The following ZCCHC4 variants were observed in gnomAD, a reference collection of about 807,000 sequenced individuals.
ZCCHC4 encodes zinc finger CCHC-type containing 4.
In ZCCHC4, 54 loss-of-function variants were observed where a neutral mutation model predicts 67.7. The ratio of observed to expected loss-of-function variants is 0.80; its 90% CI spans 0.64 to 1.00. The LOEUF (loss-of-function observed/expected upper bound fraction) is 1.00, where lower values mean the gene tolerates loss of function less well. Among genes scored for constraint, ZCCHC4 ranks in the 50% least tolerant of loss-of-function variants. ZCCHC4 has a pLI of 0.00. For missense variants in ZCCHC4, 609 were observed against 617.0 expected, an observed-to-expected ratio of 0.99 and a Z score of 0.14; for synonymous variants, 198 against 213.5, an observed-to-expected ratio of 0.93 and a Z score of 0.63.
intron 3 of ZCCHC4, among the ~76,000 whole-genome samples, chr4:25,332,406 C>G (rs1719229719): frequency 6.6e-6 from 1 of 150,786 alleles, no homozygotes; most frequent in Admixed American, 6.6e-5. Flanking sequence ...TCTCCATGTT[C>G]CTCAATCATA....
At chr4:25,333,875 T>C in intron 4 of ZCCHC4, 33 bp from the exon 5 acceptor site, 1 of 1,403,788 alleles carries the variant, frequency 7.1e-7, no homozygotes, top group South Asian at 1.3e-5. Context: ...ATTTGTAATA[T>C]CTTATTACAT....
At chr4:25,322,209 ACC>A (rs1293637215) in intron 3 of ZCCHC4, among the ~76,000 whole-genome samples, 2 of 152,034 alleles carry the variant, frequency 1.3e-5, no homozygotes, top group Non-Finnish European at 2.9e-5. Context: ...TTGCTCTCTC[ACC>A]CAGGTTGGAA....
chr4:25,365,641 T>C, intron 12 of ZCCHC4: 1 of 985,622 alleles, frequency 1.0e-6, no homozygotes, highest in Non-Finnish European at 1.2e-6. Context: ...AAGAAAAATA[T>C]TTAGACATGC....
At position 25,312,831 on chromosome 4, in the gene ZCCHC4, T is replaced by A; in HGVS notation, c.22T>A (p.Phe8Ile). MAASRNG[F>I]EAVEAEGSAG... ...GAAGATGGCGGCCTCCAGGAATGGG[T>A]TTGAAGCCGTGGAGGCAGAGGGCAG... The change falls in exon 1 of 13, where the codon TTT (phenylalanine) becomes ATT (isoleucine). Residue 8 changes from phenylalanine to isoleucine, a missense_variant. Transcript: ENST00000302874. 3 of 1,613,138 alleles carry A rather than the reference T, an allele frequency of 1.9e-6. No individual in the cohort carries two copies. Among genetic ancestry groups the A allele is most frequent in the Non-Finnish European group, 2.5e-6 (3 of 1,179,954 alleles).
intron 3 of ZCCHC4, among the ~76,000 whole-genome samples, chr4:25,328,060 T>C (rs1193760067): frequency 1.3e-5 from 2 of 152,208 alleles, no homozygotes; most frequent in African/African-American, 2.4e-5. Context: ...TAATTTTTTT[T>C]CCTGGTTTTG....
intron 12 of ZCCHC4, among the ~76,000 whole-genome samples, chr4:25,367,294 CAA>C (rs1299518294): frequency 6.6e-6 from 1 of 152,028 alleles, no homozygotes; most frequent in Non-Finnish European, 1.5e-5. Context: ...AATTTTAAGA[CAA>C]AATAAAACTG....
At chr4:25,365,516 G>C (rs930445808) in intron 12 of ZCCHC4, 3 of 1,019,240 alleles carry the variant, frequency 2.9e-6, no homozygotes, top group Non-Finnish European at 3.5e-6. Context: ...TTGAGGGACA[G>C]ATCAGATATA....
intron 8 of ZCCHC4, among the ~76,000 whole-genome samples, chr4:25,353,157 G>A (rs553791298): frequency 2.6e-5 from 4 of 152,122 alleles, no homozygotes; most frequent in African/African-American, 9.6e-5. Context: ...TGGACTACAG[G>A]TTGTTTTTAC....
At chr4:25,337,880 CAG>C (rs1422285592) in intron 5 of ZCCHC4, among the ~76,000 whole-genome samples, 1 of 152,084 alleles carries the variant, frequency 6.6e-6, no homozygotes, top group Non-Finnish European at 1.5e-5. Flanking sequence ...TACTTACAAA[CAG>C]AGACTAGGTG....
chr4:25,315,608 C>T (rs1478467425), intron 3 of ZCCHC4, among the ~76,000 whole-genome samples: 4 of 151,946 alleles, frequency 2.6e-5, no homozygotes, highest in Non-Finnish European at 5.9e-5. Context: ...TGCCCCTATT[C>T]GCAAAACTTT....
intron 1 of ZCCHC4, among the ~76,000 whole-genome samples, chr4:25,313,654 C>T (rs1030402205): frequency 8.5e-5 from 13 of 152,102 alleles, no homozygotes; most frequent in Admixed American, 7.2e-4. Context: ...GCGGGCTGAT[C>T]GCTTGAGCCC....
At chr4:25,319,244 G>T (rs1388698473) in intron 3 of ZCCHC4, among the ~76,000 whole-genome samples, 1 of 152,122 alleles carries the variant, frequency 6.6e-6, no homozygotes, top group Non-Finnish European at 1.5e-5. Context: ...AATTAGCTGG[G>T]CGTGGTGGCG....
At chr4:25,354,275 A>G (rs1392286975) in intron 8 of ZCCHC4, among the ~76,000 whole-genome samples, 1 of 152,178 alleles carries the variant, frequency 6.6e-6, no homozygotes. Flanking sequence ...TTAGGGTTAC[A>G]GTTTTGAGAA....
chr4:25,313,975 C>T (rs1051865398), intron 1 of ZCCHC4, 71 bp from the exon 2 acceptor site: 1 of 945,654 alleles, frequency 1.1e-6, no homozygotes, highest in Non-Finnish European at 1.6e-6. Flanking sequence ...TTAAGGGCAG[C>T]GAAAACTAAG....
intron 8 of ZCCHC4, among the ~76,000 whole-genome samples, chr4:25,357,752 G>T (rs1308755435): frequency 6.6e-6 from 1 of 152,116 alleles, no homozygotes; most frequent in East Asian, 1.9e-4. Flanking sequence ...TGAATGTCAG[G>T]CTTACCTGTA....
chr4:25,346,162 G>A (rs369925411), intron 6 of ZCCHC4, among the ~76,000 whole-genome samples: 3 of 152,106 alleles, frequency 2.0e-5, no homozygotes, highest in East Asian at 3.9e-4. Context: ...TCAGGGCTGG[G>A]AGTGTACGGA....
chr4:25,324,013 T>TG (rs200308852), intron 3 of ZCCHC4, among the ~76,000 whole-genome samples: 2 of 90,908 alleles, frequency 2.2e-5, no homozygotes, highest in South Asian at 3.5e-4. Context: ...CTGTTTTTTG[T>TG]GTTTTTTTTT....
chr4:25,332,437 T>C (rs1055942641), intron 3 of ZCCHC4, among the ~76,000 whole-genome samples: 2 of 152,232 alleles, frequency 1.3e-5, no homozygotes, highest in Admixed American at 1.3e-4. Flanking sequence ...TTCTTTTGTT[T>C]TCTTACTGAT....
At chr4:25,320,813 GA>G (rs1446806336) in intron 3 of ZCCHC4, among the ~76,000 whole-genome samples, 1 of 152,224 alleles carries the variant, frequency 6.6e-6, no homozygotes, top group Non-Finnish European at 1.5e-5. Context: ...ATATTTAAAG[GA>G]AAGAGTTAAT....
Sources: gnomAD v4.1 joint callset for allele counts (sites outside exome capture counted in the v4.1 genomes callset) on GRCh38, gnomAD v4.1.1 for gene constraint, MANE v1.5 for transcripts, NCBI Gene and HGNC (gene_info 2026-07-23, HGNC 2026-07-21) for gene names.